TG: variants seen among roughly 807,000 people sequenced by gnomAD.
The protein encoded by TG is thyroid hormones.
TG carries 270 observed loss-of-function variants against 324.7 expected under a neutral mutation model. The observed-to-expected ratio is 0.83, with a 90% confidence interval of 0.75 to 0.92. The LOEUF (loss-of-function observed/expected upper bound fraction) is 0.92, where lower values mean the gene tolerates loss of function less well. TG is among the 40% of genes least tolerant of loss of function. The probability of loss-of-function intolerance (pLI) is 0.00; values close to 1 mark genes in which losing one functional copy is unlikely to be tolerated. For synonymous variants in TG, 1,401 were observed against 1,327.0 expected, an observed-to-expected ratio of 1.06 and a Z score of -1.21; for missense variants, 3,591 against 3,456.4, an observed-to-expected ratio of 1.04 and a Z score of -0.98.
chr8:133,061,746 C>T (rs1842397850), intron 41 of TG, among the ~76,000 whole-genome samples: 1 of 152,170 alleles, frequency 6.6e-6, no homozygotes, highest in Admixed American at 6.5e-5. Context: ...AAAGTCAGCC[C>T]ATCCAACTCC....
At position 132,998,333 on chromosome 8, in the gene TG, A is replaced by G. The variant is rs1051171620; in HGVS notation, c.6263-13568A>G. Among the ~76,000 whole-genome samples, 3 of 152,324 alleles carry G rather than the reference A, an allele frequency of 2.0e-5. No homozygotes were observed. In the East Asian group the frequency reaches 5.8e-4, roughly 29 times the overall value. On this transcript the variant is annotated intron_variant, in intron 35 of 47. Transcript: ENST00000220616. ...GCCTGAGAGAGCGGCAAGCACTGAA[A>G]GCAGTGGCTGCAAGGGGTGGAAGAG... is the stretch of plus-strand genomic sequence containing the variant.
chr8:132,898,833 C>T lies in TG; in HGVS notation c.3253C>T (p.Leu1085=). 6.2e-7 allele frequency: 1 copy of T among 1,614,186 alleles called. No individual in the cohort carries two copies. The highest frequency in any genetic ancestry group is 8.5e-7 in the Non-Finnish European group (1 of 1,180,036). ...TTCEKSRTSG[L]LSSWKQARSQ... ...CTGCGAGAAATCTCGAACCAGTGGG[C>T]TGCTTTCCAGTTGGAAACAGGCTAG... The change falls in exon 14 of 48, where the codon CTG becomes TTG. Residue 1085 remains leucine, a synonymous_variant. Transcript: ENST00000220616.
chr8:133,021,067 G>A (rs941278033), intron 39 of TG, among the ~76,000 whole-genome samples: 1 of 152,080 alleles, frequency 6.6e-6, no homozygotes, highest in Non-Finnish European at 1.5e-5. Context: ...TAATAGGGTC[G>A]GCCTACTTCC....
intron 40 of TG, among the ~76,000 whole-genome samples, chr8:133,024,691 G>A (rs960733551): frequency 1.8e-4 from 28 of 152,114 alleles, no homozygotes; most frequent in African/African-American, 6.5e-4. Flanking sequence ...TTAGTTTGCT[G>A]AGAATGATGG....
In TG at chr8:132,873,170, T is replaced by C; in HGVS notation, c.587T>C (p.Phe196Ser). 4.3e-6 allele frequency: 7 copies of C among 1,614,104 alleles called. No individual in the cohort carries two copies. The highest frequency in any genetic ancestry group is 2.2e-5 in the South Asian group (2 of 91,076). Residue 196 changes from phenylalanine (F) to serine (S), a missense_variant, in exon 5 of 48, where the codon TTT becomes TCT. Phe to Ser is a radical substitution (Grantham distance 155). Transcript: ENST00000220616. ...EGEFMPVQCKFVNTTDMMIFD... is the reference protein window; with the variant it reads ...EGEFMPVQCKSVNTTDMMIFD... The stretch of plus-strand genomic sequence containing the variant: ...GAGTTTATGCCTGTCCAGTGCAAAT[T>C]TGTCAACACCACAGACATGATGATT...
chr8:133,042,525 A>C lies in TG; in HGVS notation c.7239+12502A>C, dbSNP rs559807446. ...CTGGACTAGTGGCAATCCTGTGAAAATTATTGCATTTTAATCCCCATGTTG... is the reference window on the plus strand; with the variant it reads ...CTGGACTAGTGGCAATCCTGTGAAACTTATTGCATTTTAATCCCCATGTTG... On this transcript the variant is annotated intron_variant, in intron 41 of 47. Transcript: ENST00000220616. Among the ~76,000 whole-genome samples, 12 of 152,058 alleles carry C rather than the reference A, an allele frequency of 7.9e-5. No individual in the cohort carries two copies. In the East Asian group the frequency reaches 2.1e-3, roughly 27 times the overall value.
intron 35 of TG, chr8:132,983,613 G>A (rs1310053503): frequency 1.8e-5 from 11 of 625,140 alleles, no homozygotes; most frequent in East Asian, 2.8e-5. Flanking sequence ...ATTGACTCAC[G>A]GGAATGAAAT....
At chr8:133,096,064 T>C in intron 42 of TG, 142 bp from the exon 43 acceptor site, 1 of 986,768 alleles carries the variant, frequency 1.0e-6, no homozygotes, top group Non-Finnish European at 1.6e-6. Flanking sequence ...GTGTCCTGCC[T>C]GCCAGTTGTC....
chr8:133,101,751 C>T (rs1033608221), intron 43 of TG, among the ~76,000 whole-genome samples: 16 of 152,164 alleles, frequency 1.1e-4, no homozygotes, highest in African/African-American at 3.9e-4. Context: ...ACTGAAACAC[C>T]ATTGATACAT....
At chr8:133,096,115 G>A in intron 42 of TG, 91 bp from the exon 43 acceptor site, 3 of 1,482,806 alleles carry the variant, frequency 2.0e-6, no homozygotes, top group Non-Finnish European at 2.8e-6. Context: ...TGGATAACCA[G>A]TATTGGCATT....
chr8:133,031,230 G>A (rs1297494950), intron 41 of TG, among the ~76,000 whole-genome samples: 1 of 152,138 alleles, frequency 6.6e-6, no homozygotes, highest in African/African-American at 2.4e-5. Context: ...TTGTCCTAAT[G>A]TGTCTGGCTT....
chr8:133,064,296 G>A (rs1405115418), intron 41 of TG: 1 of 152,170 alleles, frequency 6.6e-6, no homozygotes. Context: ...ACAACCATTG[G>A]CGTTTTTCAA....
chr8:132,867,333 C>T (rs945320877), intron 1 of TG, among the ~76,000 whole-genome samples: 2 of 152,134 alleles, frequency 1.3e-5, no homozygotes, highest in Non-Finnish European at 2.9e-5. Flanking sequence ...CCTCACCCCA[C>T]CATTTTGGCA....
chr8:132,970,001 A>T (rs1036847061), intron 32 of TG, among the ~76,000 whole-genome samples: 1 of 151,650 alleles, frequency 6.6e-6, no homozygotes, highest in Admixed American at 6.6e-5. Flanking sequence ...ATATCTGAAA[A>T]CCTCAGCTAA....
chr8:132,932,962 T>C (rs1822935181), intron 23 of TG, among the ~76,000 whole-genome samples: 1 of 152,248 alleles, frequency 6.6e-6, no homozygotes, highest in African/African-American at 2.4e-5. Context: ...GTACAAGTTC[T>C]GAAGTCTGAC....
chr8:133,117,559 C>T (rs1335484863), intron 45 of TG, among the ~76,000 whole-genome samples: 1 of 152,198 alleles, frequency 6.6e-6, no homozygotes, highest in Non-Finnish European at 1.5e-5. Flanking sequence ...GCAGTGACTT[C>T]GTGCATTAAA....
In TG at chr8:132,871,524, A is replaced by G; in HGVS notation, c.451A>G (p.Thr151Ala). Residue 151 changes from threonine (T) to alanine (A), a missense_variant, in exon 4 of 48, where the codon ACC becomes GCC. Coordinates refer to ENST00000220616, the MANE Select transcript of TG (RefSeq NM_003235.5). ...VDAEGMEVYG[T>A]RQLGRPKRCP... ...CGCAGAGGGGATGGAGGTGTATGGG[A>G]CCCGCCAGCTGGGGAGGCCAAAGCG... 6.2e-7 allele frequency: 1 copy of G among 1,613,692 alleles called. No individual in the cohort carries two copies. The highest frequency in any genetic ancestry group is 1.3e-5 in the African/African-American group (1 of 74,982).
intron 16 of TG, among the ~76,000 whole-genome samples, chr8:132,906,183 G>A (rs138563427): frequency 1.1e-4 from 16 of 152,320 alleles, no homozygotes; most frequent in African/African-American, 3.6e-4. Flanking sequence ...GAGGGAGGTG[G>A]CAGTAGGGAC....
chr8:132,933,632 T>C lies in TG; in HGVS notation c.4888T>C (p.Tyr1630His). The C allele has an allele frequency of 6.2e-7, 1 of 1,614,150 alleles. No homozygotes were observed. Among genetic ancestry groups the C allele is most frequent in the Non-Finnish European group, 8.5e-7 (1 of 1,180,018 alleles). ...TTEPEISCDF[Y>H]AWTSDNVACM... Reference sequence around the variant, plus strand: ...GGAGCCAGAGATTTCCTGTGATTTCTATGCTTGGACAAGTGACAATGTTGC... The same window carrying C: ...GGAGCCAGAGATTTCCTGTGATTTCCATGCTTGGACAAGTGACAATGTTGC... Residue 1630 changes from tyrosine to histidine, a missense_variant, in exon 24 of 48, where the codon TAT becomes CAT. Physicochemically the swap from Tyr to His is moderately conservative, Grantham distance 83. Coordinates refer to ENST00000220616, the MANE Select transcript of TG (RefSeq NM_003235.5).
Sources: gnomAD v4.1 joint callset for allele counts (sites outside exome capture counted in the v4.1 genomes callset) on GRCh38, gnomAD v4.1.1 for gene constraint, MANE v1.5 for transcripts, NCBI Gene and HGNC (gene_info 2026-07-23, HGNC 2026-07-21) for gene names.